The following EXOC4 variants were observed in gnomAD, a reference collection of about 807,000 sequenced individuals.
The protein encoded by EXOC4 is exocyst complex component 4, also known as SEC8-like 1.
Under a neutral mutation model 107.2 loss-of-function variants are expected in EXOC4, and 71 were observed. That is an observed-to-expected ratio of 0.66 (90% confidence interval 0.55 to 0.81). The LOEUF (loss-of-function observed/expected upper bound fraction) is 0.81, where lower values mean the gene tolerates loss of function less well. EXOC4 is among the 30% of genes least tolerant of loss of function. The pLI, the probability that EXOC4 is intolerant of heterozygous loss-of-function variation, is 0.00. For synonymous variants in EXOC4, 456 were observed against 441.2 expected, an observed-to-expected ratio of 1.03 and a Z score of -0.42; for missense variants, 1,108 against 1,189.6, an observed-to-expected ratio of 0.93 and a Z score of 1.01.
At chr7:133,960,105 C>G (rs1339677885) in intron 14 of EXOC4, among the ~76,000 whole-genome samples, 2 of 152,122 alleles carry the variant, frequency 1.3e-5, no homozygotes, top group Non-Finnish European at 2.9e-5. Flanking sequence ...TAGGAAGCAG[C>G]TAGCCCAGAG....
chr7:133,410,419 G>A (rs542956752), intron 7 of EXOC4, among the ~76,000 whole-genome samples: 7 of 152,176 alleles, frequency 4.6e-5, no homozygotes, highest in East Asian at 1.9e-4. Context: ...GCTCTGCTGC[G>A]TGCATTCACA....
At chr7:133,280,885 A>G (rs959209593) in intron 2 of EXOC4, among the ~76,000 whole-genome samples, 2 of 152,130 alleles carry the variant, frequency 1.3e-5, no homozygotes, top group Non-Finnish European at 2.9e-5. Flanking sequence ...GAGAAAGGGA[A>G]GAAGGCCTTT....
intron 7 of EXOC4, among the ~76,000 whole-genome samples, chr7:133,393,047 C>T (rs1230129135): frequency 1.3e-5 from 2 of 152,134 alleles, no homozygotes; most frequent in South Asian, 2.1e-4. Flanking sequence ...TCCTTTCCTA[C>T]AGTAGTAGTT....
At chr7:133,394,705 T>C (rs1172312938) in intron 7 of EXOC4, among the ~76,000 whole-genome samples, 1 of 152,122 alleles carries the variant, frequency 6.6e-6, no homozygotes, top group African/African-American at 2.4e-5. Context: ...AACATAAAAG[T>C]CATATTAATT....
Position 133,475,495 on chromosome 7 carries a change from AT to A in EXOC4, c.1328+23del, listed in dbSNP as rs1447683593. On this transcript the variant is annotated intron_variant, in intron 8 of 17. Coordinates refer to ENST00000253861, the MANE Select transcript of EXOC4 (RefSeq NM_021807.4). The stretch of plus-strand genomic sequence containing the variant: ...TCAAGTAAGTATTATTCTGCTGTTA[AT>A]AGGTTTTAAGAATTGTTAGACTGAA... 8 of 1,608,048 alleles carry A rather than the reference AT, an allele frequency of 5.0e-6. No individual in the cohort carries two copies. The South Asian group carries it at 8.8e-5, about 18-fold the overall frequency.
At chr7:133,257,133 A>G (rs957528059) in intron 1 of EXOC4, among the ~76,000 whole-genome samples, 4 of 152,212 alleles carry the variant, frequency 2.6e-5, no homozygotes, top group African/African-American at 9.6e-5. Flanking sequence ...GGTGGGGCTT[A>G]GGTGAGGGGA....
chr7:133,501,052 C>T (rs902579343), intron 9 of EXOC4, among the ~76,000 whole-genome samples: 5 of 152,128 alleles, frequency 3.3e-5, no homozygotes, highest in Non-Finnish European at 7.4e-5. Context: ...GAAAGCCATA[C>T]ATGTATGTAT....
intron 14 of EXOC4, among the ~76,000 whole-genome samples, chr7:133,950,388 A>C (rs1020786332): frequency 2.0e-5 from 3 of 152,242 alleles, no homozygotes; most frequent in Admixed American, 6.5e-5. Flanking sequence ...TGATTCTGAA[A>C]GATTTTAAAA....
In EXOC4 at chr7:134,064,956, T is replaced by G. The variant is rs11542988; in HGVS notation, c.*428T>G. The G allele has an allele frequency of 3.3e-5, 5 of 152,918 alleles. No homozygotes were observed. Among genetic ancestry groups the G allele is most frequent in the Admixed American group, 2.6e-4 (4 of 15,288 alleles). 9.5% of individuals were successfully genotyped at this position (152,918 alleles called of 1,614,324 possible). On this transcript the variant is annotated 3_prime_UTR_variant, in exon 18 of 18. Coordinates refer to ENST00000253861, the MANE Select transcript of EXOC4 (RefSeq NM_021807.4). The stretch of plus-strand genomic sequence containing the variant: ...GGTTCTATTACATAAACAGTAGGGT[T>G]TTTCCTCTCCTGACCTTATCCGTTT...
chr7:133,423,703 G>C (rs1295622829), intron 7 of EXOC4, among the ~76,000 whole-genome samples: 1 of 152,212 alleles, frequency 6.6e-6, no homozygotes, highest in Non-Finnish European at 1.5e-5. Context: ...TTTGGGGCTG[G>C]CAGAGGCTGA....
chr7:133,898,116 T>C (rs1414785404), intron 12 of EXOC4, among the ~76,000 whole-genome samples: 4 of 151,942 alleles, frequency 2.6e-5, no homozygotes, highest in African/African-American at 9.7e-5. Context: ...GCAATATTTG[T>C]CTTTCTGTGC....
At chr7:133,542,270 A>G (rs888100939) in intron 9 of EXOC4, among the ~76,000 whole-genome samples, 1 of 152,024 alleles carries the variant, frequency 6.6e-6, no homozygotes, top group Non-Finnish European at 1.5e-5. Context: ...CAAAGTATAG[A>G]CAATCATGTA....
rs146198089 is a variant in EXOC4 at position 133,607,946 on chromosome 7, T to G, written c.1418-22099T>G. Among the ~76,000 whole-genome samples, 103 of 152,338 alleles carry G rather than the reference T, an allele frequency of 6.8e-4. 2 individuals are homozygous for G. The highest frequency in any genetic ancestry group is 2.3e-3 in the African/African-American group (95 of 41,584). On this transcript the variant is annotated intron_variant, in intron 9 of 17. Transcript: ENST00000253861. Reference sequence around the variant, plus strand: ...GGGTAGTGGGGGGAGCAAGCCAAAATTGCTATCAGTAAGTCATTTTTAAGT... The same window carrying G: ...GGGTAGTGGGGGGAGCAAGCCAAAAGTGCTATCAGTAAGTCATTTTTAAGT...
At chr7:133,535,536 C>T (rs944669376) in intron 9 of EXOC4, among the ~76,000 whole-genome samples, 43 of 152,186 alleles carry the variant, frequency 2.8e-4, no homozygotes, top group African/African-American at 9.9e-4. Flanking sequence ...GATGGCATCA[C>T]AGTGTCTACC....
At chr7:133,967,725 G>T (rs1801104070) in intron 14 of EXOC4, among the ~76,000 whole-genome samples, 1 of 152,172 alleles carries the variant, frequency 6.6e-6, no homozygotes, top group Non-Finnish European at 1.5e-5. Context: ...TTTTGCATTT[G>T]CTGAGGCATG....
chr7:133,813,333 A>T (rs1164464704), intron 10 of EXOC4, among the ~76,000 whole-genome samples: 1 of 152,200 alleles, frequency 6.6e-6, no homozygotes, highest in Non-Finnish European at 1.5e-5. Flanking sequence ...TTGTTCTGAT[A>T]AATGTTAAAT....
intron 10 of EXOC4, among the ~76,000 whole-genome samples, chr7:133,677,313 A>C (rs1794085493): frequency 6.6e-6 from 1 of 152,110 alleles, no homozygotes; most frequent in Non-Finnish European, 1.5e-5. Flanking sequence ...CCATGGGTCA[A>C]AGTGCCGTAT....
At chr7:133,329,815 A>G (rs1415334722) in intron 5 of EXOC4, among the ~76,000 whole-genome samples, 2 of 152,148 alleles carry the variant, frequency 1.3e-5, no homozygotes, top group East Asian at 3.9e-4. Flanking sequence ...TCAGAGGGGC[A>G]CCAGCCAGAT....
At chr7:133,466,192 T>TA (rs2150833213) in intron 7 of EXOC4, among the ~76,000 whole-genome samples, 1 of 149,584 alleles carries the variant, frequency 6.7e-6, no homozygotes, top group African/African-American at 2.5e-5. Flanking sequence ...TAGGAAATAA[T>TA]AAAGGTAAAG....
Sources: allele counts gnomAD v4.1 joint callset (sites outside exome capture counted in the v4.1 genomes callset), GRCh38; gene constraint gnomAD v4.1.1; transcripts MANE v1.5; gene names NCBI Gene and HGNC (gene_info 2026-07-23, HGNC 2026-07-21).